HERC1: variants seen among roughly 807,000 people sequenced by gnomAD.
HERC1 encodes the protein HECT and RLD domain containing E3 ubiquitin protein ligase family member 1, also known as probable E3 ubiquitin-protein ligase HERC1.
In HERC1, 160 loss-of-function variants were observed where a neutral mutation model predicts 554.3. The ratio of observed to expected loss-of-function variants is 0.29; its 90% CI spans 0.25 to 0.33. HERC1 has a LOEUF of 0.33. Ranked by LOEUF, HERC1 falls within the 10% of genes least tolerant of loss-of-function variation. The probability of loss-of-function intolerance (pLI) is 1.00; values close to 1 mark genes in which losing one functional copy is unlikely to be tolerated. For synonymous variants in HERC1, 2,175 were observed against 2,131.7 expected (o/e 1.02, Z -0.56); for missense variants, 4,919 against 5,918.5 (o/e 0.83, Z 5.54).
intron 1 of HERC1, among the ~76,000 whole-genome samples, chr15:63,800,809 C>G (rs2076956841): frequency 1.3e-5 from 2 of 152,290 alleles, no homozygotes; most frequent in South Asian, 4.1e-4. Context: ...TTCAACCATA[C>G]CTGAGTTTAT....
intron 33 of HERC1, among the ~76,000 whole-genome samples, chr15:63,689,295 G>C (rs146962649): frequency 6.6e-5 from 10 of 152,350 alleles, no homozygotes; most frequent in African/African-American, 2.4e-4. Context: ...AAGAGATAAT[G>C]AGAAGAAAGT....
At chr15:63,628,941 A>T in intron 69 of HERC1, 126 bp from the exon 70 acceptor site, 1 of 859,494 alleles carries the variant, frequency 1.2e-6, no homozygotes, top group Non-Finnish European at 1.8e-6. Context: ...ATCAGCATCA[A>T]TAAAACACAT....
rs562093535 is a variant in HERC1 at position 63,655,938 on chromosome 15, T to C, written c.9888A>G (p.Ala3296=). 10 of 1,612,498 alleles carry C rather than the reference T, an allele frequency of 6.2e-6. No individual in the cohort carries two copies. The highest frequency in any genetic ancestry group is 1.7e-4 in the Middle Eastern group (1 of 6,060). ...QLCTQNLISA[A]TGVNLTTVDD... is the part of the protein sequence containing the mutation. Reference sequence around the variant, plus strand: ...CAACTGTGGTTAGATTTACACCTGTTGCAGCAGAAATCAAGTTCTGAAGAA... The same window carrying C: ...CAACTGTGGTTAGATTTACACCTGTCGCAGCAGAAATCAAGTTCTGAAGAA... Residue 3296 remains alanine, a synonymous_variant, in exon 50 of 78, where the codon GCA becomes GCG. Coordinates refer to ENST00000443617, the MANE Select transcript of HERC1 (RefSeq NM_003922.4).
intron 14 of HERC1, 71 bp from the exon 15 acceptor site, chr15:63,729,720 T>G: frequency 6.7e-7 from 1 of 1,491,874 alleles, no homozygotes; most frequent in Non-Finnish European, 9.2e-7. Flanking sequence ...ACCATAAATC[T>G]GATTTAAGCA....
At position 63,775,574 on chromosome 15, in the gene HERC1, T is replaced by C. The variant is rs1411902253; in HGVS notation, c.50A>G (p.Asn17Ser). The C allele has an allele frequency of 1.2e-6, 2 of 1,610,722 alleles. No individual in the cohort carries two copies. Among genetic ancestry groups the C allele is most frequent in the Non-Finnish European group, 8.5e-7 (1 of 1,178,484 alleles). ...ACTGTCCTCTGTAATCCAGGAGCTG[T>C]TCAAGTGTTCAAGCCATTTCAGCTT... The part of the protein sequence containing the change: ...PVKLKWLEHL[N>S]SSWITEDSES... Residue 17 changes from asparagine (N) to serine (S), a missense_variant, in exon 2 of 78, where the codon AAC becomes AGC. This residue lies in a region of HERC1 where 110 missense variants were observed against 99.3 expected (regional missense o/e 1.11). Coordinates refer to ENST00000443617, the MANE Select transcript of HERC1 (RefSeq NM_003922.4). This position sits in a 1 kb window ranked among gnomAD's most constrained non-coding sequence, Gnocchi z 4.0.
Position 63,775,690 on chromosome 15 carries a change from G to T in HERC1, c.-26-41C>A. The stretch of plus-strand genomic sequence containing the variant: ...AGAAAACAGTCAAAAACATACAGAG[G>T]ACTCATAAAATGTTTCCAAAATTTC... On this transcript the variant is annotated intron_variant, in intron 1 of 77. Transcript: ENST00000443617. This position sits in a 1 kb window ranked among gnomAD's most constrained non-coding sequence, Gnocchi z 4.0. 1.6e-6 allele frequency: 2 copies of T among 1,276,252 alleles called. No individual in the cohort carries two copies. The highest frequency in any genetic ancestry group is 1.4e-5 in the South Asian group (1 of 69,514). The allele number at this position is 1,276,252 out of a possible 1,614,324, so 79.1% of individuals were successfully genotyped here.
rs1314083175 is a variant in HERC1, at chr15:63,725,335, C to T, written c.3525G>A (p.Thr1175=). ...TTTCTACACCGTCACTGAACAGTGGCGTTTTCATCCAATATGCAGTGTCCT... is the reference window on the plus strand; with the variant it reads ...TTTCTACACCGTCACTGAACAGTGGTGTTTTCATCCAATATGCAGTGTCCT... ...EEQDTAYWMK[T]PLFSDGVEMD... is the part of the protein sequence containing the mutation. Residue 1175 remains threonine (T), a synonymous_variant, in exon 18 of 78, where the codon ACG becomes ACA. Transcript: ENST00000443617. 3 of 1,613,790 alleles carry T rather than the reference C, an allele frequency of 1.9e-6. No homozygotes were observed. Among genetic ancestry groups the T allele is most frequent in the Admixed American group, 1.7e-5 (1 of 59,994 alleles).
intron 8 of HERC1, among the ~76,000 whole-genome samples, chr15:63,750,086 A>G (rs2075184634): frequency 6.6e-6 from 1 of 152,210 alleles, no homozygotes; most frequent in African/African-American, 2.4e-5. Context: ...GCAATTTGTT[A>G]TATTTGCCCC....
rs1140422 is a variant in HERC1, at chr15:63,626,108, G to C, written c.13152C>G (p.Pro4384=). The C allele has an allele frequency of 0.16, 265,089 of 1,613,390 alleles. 24,195 individuals are homozygous for C. Among genetic ancestry groups the C allele is most frequent in the Admixed American group, 0.19 (11,422 of 59,904 alleles). Residue 4384 remains proline (P), a synonymous_variant, in exon 71 of 78, where the codon CCC becomes CCG. Transcript: ENST00000443617. ...TGACTTCTCTCAGCGCCCCATACTGGGGGGGCACTGTGTCAGGCAGGCCCA... is the reference window on the plus strand; with the variant it reads ...TGACTTCTCTCAGCGCCCCATACTGCGGGGGCACTGTGTCAGGCAGGCCCA... ...LQLGLPDTVP[P]QYGALREVSI...
In HERC1 at chr15:63,616,309, A is replaced by C. The variant is rs554709267; in HGVS notation, c.13941+121T>G. 1.2e-5 allele frequency: 12 copies of C among 1,034,606 alleles called. No individual in the cohort carries two copies. The African/African-American group carries it at 1.6e-4, about 14-fold the overall frequency. 64.1% of individuals were successfully genotyped at this position (1,034,606 alleles called of 1,614,324 possible). A position where few individuals can be genotyped will look rare whatever the true frequency, so the allele number is the denominator to read the frequency against. On this transcript the variant is annotated intron_variant, in intron 75 of 77. Coordinates refer to ENST00000443617, the MANE Select transcript of HERC1 (RefSeq NM_003922.4). ...GCTGCTAAGGGCAGCAATGGCATAGATATGGCATTGTTCAGCCAGACAGCA... is the reference window on the plus strand; with the variant it reads ...GCTGCTAAGGGCAGCAATGGCATAGCTATGGCATTGTTCAGCCAGACAGCA...
intron 33 of HERC1, among the ~76,000 whole-genome samples, chr15:63,688,124 A>G (rs954564035): frequency 1.3e-5 from 2 of 152,348 alleles, no homozygotes; most frequent in South Asian, 2.1e-4. Flanking sequence ...TAGAACACTT[A>G]GAAGGTTACT....
chr15:63,672,430 G>A (rs1173893193), intron 39 of HERC1, 66 bp downstream of exon 39: 19 of 1,144,724 alleles, frequency 1.7e-5, no homozygotes, highest in Non-Finnish European at 2.1e-5. Flanking sequence ...CTATTCATAT[G>A]AGGACAACTG....
At chr15:63,674,273 C>T in intron 38 of HERC1, 69 bp downstream of exon 38, 1 of 1,284,806 alleles carries the variant, frequency 7.8e-7, no homozygotes, top group Non-Finnish European at 1.0e-6. Context: ...CAGAATGTAT[C>T]ACTTCTGACA....
At chr15:63,794,820 CT>C (rs931320370) in intron 1 of HERC1, among the ~76,000 whole-genome samples, 3 of 152,048 alleles carry the variant, frequency 2.0e-5, no homozygotes, top group Non-Finnish European at 2.9e-5. Context: ...AATCCCAGCA[CT>C]TTGGGAGGCC....
intron 24 of HERC1, among the ~76,000 whole-genome samples, chr15:63,707,705 G>C (rs2073083958): frequency 6.6e-6 from 1 of 152,058 alleles, no homozygotes; most frequent in South Asian, 2.1e-4. Flanking sequence ...GAGGCAGGTG[G>C]ATCGCTTGAG....
chr15:63,787,109 T>A (rs1048722140), intron 1 of HERC1, among the ~76,000 whole-genome samples: 1 of 152,044 alleles, frequency 6.6e-6, no homozygotes, highest in African/African-American at 2.4e-5. Flanking sequence ...CACAAAGTGC[T>A]GGGATTACAG....
chr15:63,747,667 T>G (rs1596142578), intron 11 of HERC1, 57 bp downstream of exon 11: 10 of 1,031,390 alleles, frequency 9.7e-6, no homozygotes, highest in African/African-American at 4.8e-5. Context: ...TTTATACACA[T>G]GCACACACGC....
In HERC1 at chr15:63,807,794, GCCCC is replaced by G. The variant is rs2077180234; in HGVS notation, c.-27+26029_-27+26032del. Among the ~76,000 whole-genome samples, 4 of 152,028 alleles carry G rather than the reference GCCCC, an allele frequency of 2.6e-5. No homozygotes were observed. In the South Asian group the frequency reaches 8.3e-4, roughly 32 times the overall value. ...GAGATATGTTCAATCCTACCTTTGTGCCCCCACTCATGCTGTTGTCCTCTGTAAT... is the reference window on the plus strand; with the variant it reads ...GAGATATGTTCAATCCTACCTTTGTGCACTCATGCTGTTGTCCTCTGTAAT... On this transcript the variant is annotated intron_variant, in intron 1 of 77. Transcript: ENST00000443617.
chr15:63,670,483 T>G (rs1164463484), intron 39 of HERC1, among the ~76,000 whole-genome samples: 1 of 151,924 alleles, frequency 6.6e-6, no homozygotes, highest in Non-Finnish European at 1.5e-5. Flanking sequence ...CAGGAAGGAG[T>G]AGTTCTCTGG....
Sources: gnomAD v4.1 joint callset for allele counts (sites outside exome capture counted in the v4.1 genomes callset) on GRCh38, gnomAD v4.1.1 for gene constraint, gnomAD v4.1.1 regional missense constraint, Gnocchi (gnomAD v3.1) non-coding constraint, MANE v1.5 for transcripts, NCBI Gene and HGNC (gene_info 2026-07-23, HGNC 2026-07-21) for gene names.